The following TIMM13 variants were observed in gnomAD, a reference collection of about 807,000 sequenced individuals.
TIMM13 encodes translocase of inner mitochondrial membrane 13, also known as mitochondrial import inner membrane translocase subunit Tim13.
TIMM13 carries 8 observed loss-of-function variants against 10.9 expected under a neutral mutation model. The observed-to-expected ratio is 0.73, with a 90% CI of 0.43 to 1.32. The LOEUF is 1.32. TIMM13 is among the 40% of genes most tolerant of loss of function. TIMM13 has a pLI of 0.01. For synonymous variants in TIMM13, 68 were observed against 52.5 expected, an observed-to-expected ratio of 1.30 and a Z score of -1.28; for missense variants, 147 against 132.8, an observed-to-expected ratio of 1.11 and a Z score of -0.53.
In TIMM13 at chr19:2,426,188, T is replaced by C; in HGVS notation, c.*760A>G. On this transcript the variant is annotated 3_prime_UTR_variant, in exon 3 of 3. Transcript: ENST00000215570. The stretch of plus-strand genomic sequence containing the variant: ...ACCGTACCCTACCCAAGGACGGGTG[T>C]GGGGGGGCTGTGGGTCATGGGGATG... 1 of 945,504 alleles carries C rather than the reference T, an allele frequency of 1.1e-6. No homozygotes were observed. The allele number at this position is 945,504 out of a possible 1,614,324, so 58.6% of individuals were successfully genotyped here.
chr19:2,425,963 T>G lies in TIMM13; in HGVS notation c.*985A>C. The G allele has an allele frequency of 6.2e-7, 1 of 1,606,160 alleles. No individual in the cohort carries two copies. Among genetic ancestry groups the G allele is most frequent in the Non-Finnish European group, 8.5e-7 (1 of 1,177,532 alleles). On this transcript the variant is annotated 3_prime_UTR_variant, in exon 3 of 3. Coordinates refer to ENST00000215570, the MANE Select transcript of TIMM13 (RefSeq NM_012458.4). Reference sequence around the variant, plus strand: ...GGGACCCCTGGCCTGCAGGGAGCCCTCTGGACGGTGGGTGCTAACTGGGGT... The same window carrying G: ...GGGACCCCTGGCCTGCAGGGAGCCCGCTGGACGGTGGGTGCTAACTGGGGT...
Position 2,426,938 on chromosome 19 carries a change from C to T in TIMM13, c.*10G>A, listed in dbSNP as rs1482827655. The stretch of plus-strand genomic sequence containing the variant: ...GAAATGAACAGGGTGGGGTGGCCCG[C>T]GCTCGCCGGTCACATGTTGGCTCGT... On this transcript the variant is annotated 3_prime_UTR_variant, in exon 3 of 3. Transcript: ENST00000215570. The T allele has an allele frequency of 6.4e-7, 1 of 1,574,034 alleles. No homozygotes were observed. Among genetic ancestry groups the T allele is most frequent in the Non-Finnish European group, 8.6e-7 (1 of 1,160,554 alleles).
Position 2,427,323 on chromosome 19 carries a change from C to T in TIMM13, c.122G>A (p.Arg41Lys). 6.2e-7 allele frequency: 1 copy of T among 1,613,370 alleles called. No individual in the cohort carries two copies. The highest frequency in any genetic ancestry group is 8.5e-7 in the Non-Finnish European group (1 of 1,179,810). The part of the protein sequence containing the change: ...AVANAQELLQ[R>K]MTDKCFRKCI... ...CTTCCGGAAACACTTGTCCGTCATC[C>T]TCTGTGGAGACACGCGAGGCTTTAG... is the stretch of plus-strand genomic sequence containing the variant. Residue 41 changes from arginine (R) to lysine (K), a missense_variant and splice_region_variant, in exon 2 of 3, where the codon AGG becomes AAG. Arg to Lys is a conservative substitution (Grantham distance 26). Coordinates refer to ENST00000215570, the MANE Select transcript of TIMM13 (RefSeq NM_012458.4).
At position 2,427,578 on chromosome 19, in the gene TIMM13, T is replaced by A; in HGVS notation, c.-45A>T. On this transcript the variant is annotated 5_prime_UTR_variant, in exon 1 of 3. Transcript: ENST00000215570. ...GACCGAGGCCGCGTGCGCCGACTCG[T>A]AACTAACTGCGCCGGAAGCGGGCCG... 2 of 1,552,804 alleles carry A rather than the reference T, an allele frequency of 1.3e-6. No individual in the cohort carries two copies. Among genetic ancestry groups the A allele is most frequent in the Non-Finnish European group, 1.7e-6 (2 of 1,151,732 alleles).
rs772230510 is a variant in TIMM13 at position 2,427,241 on chromosome 19, C to T, written c.189+15G>A. 6.2e-7 allele frequency: 1 copy of T among 1,612,378 alleles called. No individual in the cohort carries two copies. The stretch of plus-strand genomic sequence containing the variant: ...GGCCCTCGCGACCCTTGCCCCGAAC[C>T]TCCGCGGGTCTCACCTGCTCGGAGT... On this transcript the variant is annotated intron_variant, in intron 2 of 2. Coordinates refer to ENST00000215570, the MANE Select transcript of TIMM13 (RefSeq NM_012458.4).
At position 2,426,856 on chromosome 19, in the gene TIMM13, TA is replaced by T; in HGVS notation, c.*91del. 1 of 1,310,856 alleles carries T rather than the reference TA, an allele frequency of 7.6e-7. No individual in the cohort carries two copies. Among genetic ancestry groups the T allele is most frequent in the Non-Finnish European group, 1.1e-6 (1 of 940,886 alleles). The allele number at this position is 1,310,856 out of a possible 1,614,324, so 81.2% of individuals were successfully genotyped here. A position where few individuals can be genotyped will look rare whatever the true frequency, so the allele number is the denominator to read the frequency against. On this transcript the variant is annotated 3_prime_UTR_variant, in exon 3 of 3. Transcript: ENST00000215570. ...TGTCCCAGCACCGGTGCCACCCTCC[TA>T]AGCCCCGGGCAGGCAGTACGTACAT...
In TIMM13 at chr19:2,427,566, TGC is replaced by T; in HGVS notation, c.-35_-34del. Reference sequence around the variant, plus strand: ...CAAAGTCAACCGGACCGAGGCCGCGTGCGCCGACTCGTAACTAACTGCGCCGG... The same window carrying T: ...CAAAGTCAACCGGACCGAGGCCGCGTGCCGACTCGTAACTAACTGCGCCGG... On this transcript the variant is annotated 5_prime_UTR_variant, in exon 1 of 3. Coordinates refer to ENST00000215570, the MANE Select transcript of TIMM13 (RefSeq NM_012458.4). 6.4e-7 allele frequency: 1 copy of T among 1,567,524 alleles called. No individual in the cohort carries two copies. Among genetic ancestry groups the T allele is most frequent in the Non-Finnish European group, 8.6e-7 (1 of 1,158,150 alleles).
At position 2,427,284 on chromosome 19, in the gene TIMM13, G is replaced by A. The variant is rs868780870; in HGVS notation, c.161C>T (p.Pro54Leu). The A allele has an allele frequency of 4.3e-6, 7 of 1,613,358 alleles. No individual in the cohort carries two copies. The highest frequency in any genetic ancestry group is 2.7e-5 in the African/African-American group (2 of 74,904). The change falls in exon 2 of 3, where the codon CCT (proline) becomes CTT (leucine). Residue 54 changes from proline to leucine, a missense_variant. Transcript: ENST00000215570. ...CTCGGAGTTGTCCAGGGAGCCCCCA[G>A]GTTTCCCTATACACTTCCGGAAACA... is the stretch of plus-strand genomic sequence containing the variant. ...DKCFRKCIGK[P>L]GGSLDNSEQK...
chr19:2,427,093 C>T, intron 2 of TIMM13, 47 bp from the exon 3 acceptor site: 2 of 1,594,958 alleles, frequency 1.3e-6, no homozygotes, highest in Non-Finnish European at 1.7e-6. Flanking sequence ...CTTCGCGGCC[C>T]CGGGGACCGC....
At position 2,425,885 on chromosome 19, in the gene TIMM13, G is replaced by A. The variant is rs751356096; in HGVS notation, c.*1063C>T. On this transcript the variant is annotated 3_prime_UTR_variant, in exon 3 of 3. Coordinates refer to ENST00000215570, the MANE Select transcript of TIMM13 (RefSeq NM_012458.4). ...CAATGACCCAAGGGCTGCTGTAGGG[G>A]AGGTACCGGCCTCTGAACCCCCTTT... 6.5e-7 allele frequency: 1 copy of A among 1,546,568 alleles called. No homozygotes were observed. Among genetic ancestry groups the A allele is most frequent in the Non-Finnish European group, 8.7e-7 (1 of 1,153,882 alleles).
rs1353299844 is a variant in TIMM13 at position 2,426,755 on chromosome 19, G to A, written c.*193C>T. ...TGCCAGCACTTCAGGAAGGCACAGG[G>A]CCCCACACCCCCGAGATCCAAGCTG... On this transcript the variant is annotated 3_prime_UTR_variant, in exon 3 of 3. Transcript: ENST00000215570. 1.1e-5 allele frequency: 7 copies of A among 640,732 alleles called. No homozygotes were observed. Among genetic ancestry groups the A allele is most frequent in the African/African-American group, 1.8e-5 (1 of 55,346 alleles). 39.7% of individuals were successfully genotyped at this position (640,732 alleles called of 1,614,324 possible). A position where few individuals can be genotyped will look rare whatever the true frequency, so the allele number is the denominator to read the frequency against.
In TIMM13 at chr19:2,426,258, C is replaced by T; in HGVS notation, c.*690G>A. ...GTTCCAATAAACACAGCCCCTCCACCCTAGCTCACTGGCTCAGCACCTCAG... is the reference window on the plus strand; with the variant it reads ...GTTCCAATAAACACAGCCCCTCCACTCTAGCTCACTGGCTCAGCACCTCAG... On this transcript the variant is annotated 3_prime_UTR_variant, in exon 3 of 3. Transcript: ENST00000215570. 1 of 354,392 alleles carries T rather than the reference C, an allele frequency of 2.8e-6. No homozygotes were observed. The highest frequency in any genetic ancestry group is 4.1e-6 in the Non-Finnish European group (1 of 244,668). The allele number at this position is 354,392 out of a possible 1,614,324, so 22.0% of individuals were successfully genotyped here. A position where few individuals can be genotyped will look rare whatever the true frequency, so the allele number is the denominator to read the frequency against.
In TIMM13 at chr19:2,425,658, G is replaced by A. The variant is rs1971604678; in HGVS notation, c.*1290C>T. The A allele has an allele frequency of 1.5e-6, 2 of 1,332,872 alleles. No individual in the cohort carries two copies. The highest frequency in any genetic ancestry group is 3.1e-5 in the African/African-American group (2 of 65,452). The allele number at this position is 1,332,872 out of a possible 1,614,324, so 82.6% of individuals were successfully genotyped here. A position where few individuals can be genotyped will look rare whatever the true frequency, so the allele number is the denominator to read the frequency against. On this transcript the variant is annotated 3_prime_UTR_variant, in exon 3 of 3. Coordinates refer to ENST00000215570, the MANE Select transcript of TIMM13 (RefSeq NM_012458.4). ...GCTCTGGAGGAATTTCCACTCCACA[G>A]CCGTTTATTGGGCAACCCACCGCAT...
intron 2 of TIMM13, 56 bp downstream of exon 2, chr19:2,427,200 T>C (rs551066891): frequency 1.3e-6 from 2 of 1,591,518 alleles, no homozygotes; most frequent in Non-Finnish European, 1.7e-6. Context: ...CGCAGACACC[T>C]CCCCCCTCGA....
chr19:2,426,341 A>T lies in TIMM13; in HGVS notation c.*607T>A, dbSNP rs781177301. The T allele has an allele frequency of 1.1e-5, 4 of 369,022 alleles. No individual in the cohort carries two copies. Among genetic ancestry groups the T allele is most frequent in the Non-Finnish European group, 1.9e-5 (4 of 213,304 alleles). 22.9% of individuals were successfully genotyped at this position (369,022 alleles called of 1,614,324 possible). On this transcript the variant is annotated 3_prime_UTR_variant, in exon 3 of 3. Transcript: ENST00000215570. The stretch of plus-strand genomic sequence containing the variant: ...ACCAGGACCCGGGGTGGAACGAAGC[A>T]GGGTCAAAGCAAGCCCTGACAAGGG...
rs368127019 is a variant in TIMM13 at position 2,426,988 on chromosome 19, G to A, written c.248C>T (p.Ala83Val). 5.6e-6 allele frequency: 9 copies of A among 1,606,790 alleles called. No individual in the cohort carries two copies. The highest frequency in any genetic ancestry group is 2.7e-5 in the African/African-American group (2 of 74,788). Reference protein sequence around the residue: ...YMDAWNTVSRAYNSRLQRERA... With the variant: ...YMDAWNTVSRVYNSRLQRERA... ...TTCCCGCTGCAGCCGCGAGTTGTAG[G>A]CGCGAGACACGGTGTTCCAGGCGTC... Residue 83 changes from alanine to valine, a missense_variant, in exon 3 of 3, where the codon GCC (alanine) becomes GTC (valine). By Grantham distance (64) the Ala-to-Val change is moderately conservative. Coordinates refer to ENST00000215570, the MANE Select transcript of TIMM13 (RefSeq NM_012458.4).
chr19:2,427,056 C>T lies in TIMM13; in HGVS notation c.190-10G>A, dbSNP rs754533702. ...ACATGGCGATGCACTTCTGCGGGAG[C>T]GGAGGGGCGCACGGCTCAGCTCGGG... On this transcript the variant is annotated splice_polypyrimidine_tract_variant and intron_variant, in intron 2 of 2. Coordinates refer to ENST00000215570, the MANE Select transcript of TIMM13 (RefSeq NM_012458.4). 5 of 1,606,330 alleles carry T rather than the reference C, an allele frequency of 3.1e-6. No individual in the cohort carries two copies. The highest frequency in any genetic ancestry group is 2.2e-5 in the East Asian group (1 of 44,602).
In TIMM13 at chr19:2,426,126, A is replaced by G. The variant is rs756847597; in HGVS notation, c.*822T>C. 1.2e-5 allele frequency: 18 copies of G among 1,513,986 alleles called. No individual in the cohort carries two copies. Among genetic ancestry groups the G allele is most frequent in the Non-Finnish European group, 1.4e-5 (16 of 1,138,726 alleles). 93.8% of individuals were successfully genotyped at this position (1,513,986 alleles called of 1,614,324 possible). A position where few individuals can be genotyped will look rare whatever the true frequency, so the allele number is the denominator to read the frequency against. ...TGCCCAGGCCGAGACTCTACGTGAA[A>G]GCAACAGGAGCAGCAGGCCACCCAA... On this transcript the variant is annotated 3_prime_UTR_variant, in exon 3 of 3. Transcript: ENST00000215570.
rs557980575 is a variant in TIMM13 at position 2,425,745 on chromosome 19, C to G, written c.*1203G>C. 1.5e-5 allele frequency: 17 copies of G among 1,151,952 alleles called. No individual in the cohort carries two copies. The African/African-American group carries it at 2.5e-4, about 17-fold the overall frequency. 71.4% of individuals were successfully genotyped at this position (1,151,952 alleles called of 1,614,324 possible). A position where few individuals can be genotyped will look rare whatever the true frequency, so the allele number is the denominator to read the frequency against. On this transcript the variant is annotated 3_prime_UTR_variant, in exon 3 of 3. Transcript: ENST00000215570. ...CTGCAGTGGGAGGCACCGTTCCACT[C>G]CGGGACCACGTGGCGGGTGTCCATA... is the stretch of plus-strand genomic sequence containing the variant.
Sources: allele counts gnomAD v4.1 joint callset, GRCh38; gene constraint gnomAD v4.1.1; transcripts MANE v1.5; gene names NCBI Gene and HGNC (gene_info 2026-07-23, HGNC 2026-07-21).